GBF1: variants seen among roughly 807,000 people sequenced by gnomAD.
GBF1 encodes the protein golgi brefeldin A resistant guanine nucleotide exchange factor 1.
A neutral mutation model predicts 210.5 loss-of-function variants in GBF1; 114 were observed. The ratio of observed to expected loss-of-function variants is 0.54; its 90% CI spans 0.47 to 0.63. The LOEUF is 0.63. GBF1 is among the 30% of genes least tolerant of loss of function. The pLI is 0.00. For synonymous variants in GBF1, 850 were observed against 889.2 expected, an observed-to-expected ratio of 0.96 and a Z score of 0.78; for missense variants, 1,851 against 2,357.7, an observed-to-expected ratio of 0.79 and a Z score of 4.45.
At position 102,351,250 on chromosome 10, in the gene GBF1, G is replaced by T. The variant is rs760356119; in HGVS notation, c.296-6G>T. ...TCACTTAATCTTTCCTTTTTCGCTG[G>T]AGCAGATCCCACCCATGAGGGCACA... On this transcript the variant is annotated splice_region_variant and splice_polypyrimidine_tract_variant and intron_variant, in intron 4 of 39. Coordinates refer to ENST00000369983, the MANE Select transcript of GBF1 (RefSeq NM_001377137.1). 2.0e-6 allele frequency: 3 copies of T among 1,463,818 alleles called. No homozygotes were observed. The East Asian group carries it at 6.8e-5, about 33-fold the overall frequency. 90.7% of individuals were successfully genotyped at this position (1,463,818 alleles called of 1,614,324 possible). A position where few individuals can be genotyped will look rare whatever the true frequency, so the allele number is the denominator to read the frequency against.
chr10:102,374,210 C>T (rs970309015), intron 29 of GBF1, among the ~76,000 whole-genome samples: 3 of 151,894 alleles, frequency 2.0e-5, no homozygotes, highest in African/African-American at 2.4e-5. Flanking sequence ...ATTAGCCAGG[C>T]GTGGTGGCTC....
chr10:102,378,391 G>A (rs1168264048), intron 33 of GBF1, among the ~76,000 whole-genome samples: 2 of 152,112 alleles, frequency 1.3e-5, no homozygotes, highest in Admixed American at 1.3e-4. Context: ...GGGAGGCTGA[G>A]GCGGGAGGAT....
At chr10:102,355,418 C>A (rs117013946) in intron 8 of GBF1, among the ~76,000 whole-genome samples, 32 of 152,290 alleles carry the variant, frequency 2.1e-4, no homozygotes, top group Non-Finnish European at 3.5e-4. Context: ...TTACACTGTC[C>A]TTTGGAGTAC....
Position 102,376,354 on chromosome 10 carries a change from C to T in GBF1, c.3969C>T (p.Val1323=). The T allele has an allele frequency of 6.2e-7, 1 of 1,614,058 alleles. No homozygotes were observed. The highest frequency in any genetic ancestry group is 8.5e-7 in the Non-Finnish European group (1 of 1,179,934). ...LDRGYTSDSE[V]YTDHGRPGKI... is the part of the protein sequence containing the mutation. ...GAGGGTACACTTCCGACTCAGAGGT[C>T]TACACTGACCATGGCAGGCCGGGCA... Residue 1323 remains valine, a synonymous_variant, in exon 31 of 40, where the codon GTC becomes GTT. Coordinates refer to ENST00000369983, the MANE Select transcript of GBF1 (RefSeq NM_001377137.1).
At position 102,376,342 on chromosome 10, in the gene GBF1, C is replaced by G. The variant is rs778407114; in HGVS notation, c.3957C>G (p.Ser1319=). Residue 1319 remains serine (S), a synonymous_variant, in exon 31 of 40, where the codon TCC becomes TCG. Coordinates refer to ENST00000369983, the MANE Select transcript of GBF1 (RefSeq NM_001377137.1). ...NDVSLDRGYT[S]DSEVYTDHGR... ...TGAGCCTGGATCGAGGGTACACTTC[C>G]GACTCAGAGGTCTACACTGACCATG... 3 of 1,613,628 alleles carry G rather than the reference C, an allele frequency of 1.9e-6. No individual in the cohort carries two copies. The highest frequency in any genetic ancestry group is 2.5e-6 in the Non-Finnish European group (3 of 1,179,774).
chr10:102,315,591 G>A (rs538717939), intron 3 of GBF1, among the ~76,000 whole-genome samples: 1 of 152,172 alleles, frequency 6.6e-6, no homozygotes, highest in Non-Finnish European at 1.5e-5. Context: ...CTCATAAGGA[G>A]CACCAACCTA....
chr10:102,288,742 A>C (rs1206155442), intron 3 of GBF1, among the ~76,000 whole-genome samples: 4 of 151,156 alleles, frequency 2.6e-5, no homozygotes, highest in Non-Finnish European at 3.0e-5. Flanking sequence ...AAAACAAAAA[A>C]AAAAAACGAA....
At chr10:102,258,886 T>C (rs936431982) in intron 1 of GBF1, 43 bp from the exon 2 acceptor site, 3 of 1,038,606 alleles carry the variant, frequency 2.9e-6, no homozygotes, top group South Asian at 2.5e-5. Context: ...ATGCTTTGGG[T>C]AACCAAATAT....
At chr10:102,381,857 C>T (rs2060878335) in intron 39 of GBF1, among the ~76,000 whole-genome samples, 199 bp from the exon 40 acceptor site, 1 of 147,812 alleles carries the variant, frequency 6.8e-6, no homozygotes, top group Non-Finnish European at 1.5e-5. Flanking sequence ...AAAGAGTAGC[C>T]TGGCAAAGGA....
intron 21 of GBF1, among the ~76,000 whole-genome samples, chr10:102,367,877 G>C (rs1420215765): frequency 1.3e-5 from 2 of 152,176 alleles, no homozygotes. Flanking sequence ...AACCCAAGAT[G>C]GGCACTGGAG....
At chr10:102,308,201 T>A (rs1463531250) in intron 3 of GBF1, among the ~76,000 whole-genome samples, 256 of 123,330 alleles carry the variant, frequency 2.1e-3, no homozygotes, top group African/African-American at 2.4e-3. Flanking sequence ...TCACAGAAGC[T>A]AAAAAAAAAA....
chr10:102,381,823 G>GAGAAA (rs1554985675), intron 39 of GBF1, among the ~76,000 whole-genome samples: 1 of 19,088 alleles, frequency 5.2e-5, no homozygotes, highest in Non-Finnish European at 9.8e-5. Context: ...ACCCTGTCGC[G>GAGAAA]AAAAAAAAAA....
At chr10:102,259,446 A>G (rs1396626717) in intron 2 of GBF1, among the ~76,000 whole-genome samples, 5 of 152,198 alleles carry the variant, frequency 3.3e-5, no homozygotes, top group Non-Finnish European at 7.4e-5. Flanking sequence ...GCAAACTTCC[A>G]TATATAGAGT....
Position 102,366,534 on chromosome 10 carries a change from C to A in GBF1, c.2433+28C>A. Reference sequence around the variant, plus strand: ...GAGTTTGAGTGTCAGGGGCTGAGCCCAGGATCCAAGGTCAGTTTGACTGAG... The same window carrying A: ...GAGTTTGAGTGTCAGGGGCTGAGCCAAGGATCCAAGGTCAGTTTGACTGAG... On this transcript the variant is annotated intron_variant, in intron 19 of 39. Coordinates refer to ENST00000369983, the MANE Select transcript of GBF1 (RefSeq NM_001377137.1). This position sits in a 1 kb window ranked among gnomAD's most constrained non-coding sequence, Gnocchi z 4.0. The A allele has an allele frequency of 6.2e-7, 1 of 1,607,676 alleles. No individual in the cohort carries two copies. The highest frequency in any genetic ancestry group is 8.5e-7 in the Non-Finnish European group (1 of 1,175,624).
At chr10:102,352,314 C>T (rs915581241) in intron 6 of GBF1, 144 bp from the exon 7 acceptor site, 10 of 667,112 alleles carry the variant, frequency 1.5e-5, no homozygotes, top group Non-Finnish European at 2.2e-5. Flanking sequence ...GAAGTTCTGG[C>T]TGCCAGGCTG....
At chr10:102,262,529 GA>G (rs1307868060) in intron 3 of GBF1, among the ~76,000 whole-genome samples, 1 of 152,194 alleles carries the variant, frequency 6.6e-6, no homozygotes, top group South Asian at 2.1e-4. Context: ...CACAGTGAAG[GA>G]TTGTTGTTAT....
intron 3 of GBF1, among the ~76,000 whole-genome samples, chr10:102,318,759 C>T (rs1165664914): frequency 6.6e-6 from 1 of 151,882 alleles, no homozygotes; most frequent in Non-Finnish European, 1.5e-5. Context: ...TATGTTGATA[C>T]TACATTTTTA....
Position 102,380,582 on chromosome 10 carries a change from C to A in GBF1, c.5069C>A (p.Ala1690Glu). The change falls in exon 38 of 40, where the codon GCA becomes GAA. Residue 1690 changes from alanine to glutamate, a missense_variant. This residue lies in a region of GBF1 where 967 missense variants were observed against 1,247.7 expected (regional missense o/e 0.78). Transcript: ENST00000369983. ...GCGGAGATTTTCCACAGTGCAGATG[C>A]ACGGGGAGGCGGCCCCTCGGCCCTC... The part of the protein sequence containing the change: ...DTAEIFHSAD[A>E]RGGGPSALWE... 6.2e-7 allele frequency: 1 copy of A among 1,613,870 alleles called. No homozygotes were observed. The highest frequency in any genetic ancestry group is 8.5e-7 in the Non-Finnish European group (1 of 1,179,812).
chr10:102,232,297 A>T, the GBF1 span, among the ~76,000 whole-genome samples: 2 of 152,300 alleles, frequency 1.3e-5, no homozygotes, highest in East Asian at 3.9e-4. Flanking sequence ...CTCTGCATAG[A>T]TATATAAACT....
Sources: allele counts gnomAD v4.1 joint callset (sites outside exome capture counted in the v4.1 genomes callset), GRCh38; gene constraint gnomAD v4.1.1; regional missense constraint gnomAD v4.1.1; non-coding constraint Gnocchi (gnomAD v3.1); transcripts MANE v1.5; gene names NCBI Gene and HGNC (gene_info 2026-07-23, HGNC 2026-07-21).